The following CDKL5 variants were observed in gnomAD, a reference collection of about 807,000 sequenced individuals.
CDKL5 encodes the protein cyclin dependent kinase like 5.
In CDKL5, 8 loss-of-function variants were observed where a neutral mutation model predicts 61.7. The ratio of observed to expected loss-of-function variants is 0.13; its 90% CI spans 0.08 to 0.23. The LOEUF (loss-of-function observed/expected upper bound fraction) is 0.23, where lower values mean the gene tolerates loss of function less well. Ranked by LOEUF, CDKL5 falls within the 10% of genes least tolerant of loss-of-function variation. The pLI is 1.00. For synonymous variants in CDKL5, 275 were observed against 272.3 expected (o/e 1.01, Z -0.10); for missense variants, 440 against 734.5 (o/e 0.60, Z 4.63).
At chrX:18,462,317 T>TA (rs1932308018) in intron 1 of CDKL5, among the ~76,000 whole-genome samples, 1 of 110,745 alleles carries the variant, frequency 9.0e-6, no homozygotes, top group South Asian at 3.7e-4. Flanking sequence ...AGCAGGAACA[T>TA]ATAGTCTATA....
In CDKL5 at chrX:18,632,208, AAG is replaced by A; in HGVS notation, c.*3454_*3455del. ...GATTTCTTCAACATCACATTCTCTT[AAG>A]AGTCTTCAACCACTATGCCTGAATC... On this transcript the variant is annotated 3_prime_UTR_variant, in exon 18 of 18. Coordinates refer to ENST00000623535, the MANE Select transcript of CDKL5 (RefSeq NM_001323289.2). 3 of 752,383 alleles carry A rather than the reference AAG, an allele frequency of 4.0e-6. No homozygotes were observed. The highest frequency in any genetic ancestry group is 4.7e-6 in the Non-Finnish European group (3 of 637,554). The allele number at this position is 752,383 out of a possible 1,213,427, so 62.0% of individuals were successfully genotyped here. A position where few individuals can be genotyped will look rare whatever the true frequency, so the allele number is the denominator to read the frequency against.
At chrX:18,590,695 T>C (rs970205306) in intron 9 of CDKL5, among the ~76,000 whole-genome samples, 6 of 111,993 alleles carry the variant, frequency 5.4e-5, no homozygotes, top group African/African-American at 1.9e-4. Context: ...GACCAGTAAT[T>C]GGGGTGCCAA....
intron 3 of CDKL5, among the ~76,000 whole-genome samples, chrX:18,550,028 G>A (rs745328762): frequency 8.9e-6 from 1 of 111,761 alleles, no homozygotes; most frequent in Non-Finnish European, 1.9e-5. Flanking sequence ...ACCTGTCAGT[G>A]GGAAAGATGT....
At chrX:18,556,662 C>T (rs183962777) in intron 3 of CDKL5, among the ~76,000 whole-genome samples, 1 of 110,848 alleles carries the variant, frequency 9.0e-6, no homozygotes, top group African/African-American at 3.3e-5. Flanking sequence ...TGGGACCATA[C>T]TGGTCTATAA....
chrX:18,633,554 G>T lies in CDKL5; in HGVS notation c.*4797G>T, dbSNP rs754012913. ...TGAGATACAGAATATCTTGAGGTCT[G>T]GTTCAGCTGATGAAAAATTCTGTCT... On this transcript the variant is annotated 3_prime_UTR_variant, in exon 18 of 18. Coordinates refer to ENST00000623535, the MANE Select transcript of CDKL5 (RefSeq NM_001323289.2). 1.2e-4 allele frequency: 87 copies of T among 753,108 alleles called. No individual in the cohort carries two copies. Among genetic ancestry groups the T allele is most frequent in the South Asian group, 6.1e-4 (9 of 14,740 alleles). The allele number at this position is 753,108 out of a possible 1,213,427, so 62.1% of individuals were successfully genotyped here. A position where few individuals can be genotyped will look rare whatever the true frequency, so the allele number is the denominator to read the frequency against.
chrX:18,521,475 C>A (rs955528401), intron 3 of CDKL5, among the ~76,000 whole-genome samples: 2 of 110,594 alleles, frequency 1.8e-5, no homozygotes, highest in African/African-American at 6.6e-5. Flanking sequence ...TTTAATGGTA[C>A]AGTAGTATAG....
intron 3 of CDKL5, among the ~76,000 whole-genome samples, chrX:18,561,587 C>T (rs1441702751): frequency 3.6e-5 from 4 of 110,614 alleles, no homozygotes; most frequent in African/African-American, 1.3e-4. Flanking sequence ...TTTAAGGTCA[C>T]AATACTTTAA....
chrX:18,650,316 C>G, intron 20 of CDKL5: 1 of 830,780 alleles, frequency 1.2e-6, no homozygotes, highest in Non-Finnish European at 1.8e-6. Context: ...AGGTGACGCT[C>G]TCACTGTCAC....
At chrX:18,504,609 C>T (rs1922504003) in intron 1 of CDKL5, among the ~76,000 whole-genome samples, 1 of 111,629 alleles carries the variant, frequency 9.0e-6, no homozygotes, top group South Asian at 3.7e-4. Context: ...CAATACTTAC[C>T]CACATCACAT....
rs1452578590 is a variant in CDKL5 at position 18,525,890 on chromosome X, GC to G, written c.99+15037del. On this transcript the variant is annotated intron_variant, in intron 3 of 17. Transcript: ENST00000623535. ...GCCTCCCGAGTAGTTGGGATTGCAG[GC>G]TCCCACCACCACGCCTGGCTAATTT... Among the ~76,000 whole-genome samples the G allele has an allele frequency of 7.3e-5, 8 of 109,890 alleles. No homozygotes were observed. The Admixed American group carries it at 7.8e-4, about 11-fold the overall frequency.
rs892324876 is a variant in CDKL5, at chrX:18,501,545, A to T, written c.-162-5390A>T. On this transcript the variant is annotated intron_variant, in intron 1 of 17. Transcript: ENST00000623535. ...TGAGACCAAATGTTTTTTTTAAAAA[A>T]TTTTTATTTTTTTTTATTTTTTTGA... 1.4e-4 allele frequency among the ~76,000 whole-genome samples: 15 copies of T among 110,523 alleles called. No individual in the cohort carries two copies. In the South Asian group the frequency reaches 1.9e-3, roughly 14 times the overall value.
rs1257664959 is a variant in CDKL5, at chrX:18,628,798, G to T, written c.*41G>T. 5 of 1,071,231 alleles carry T rather than the reference G, an allele frequency of 4.7e-6. No homozygotes were observed. Among genetic ancestry groups the T allele is most frequent in the Admixed American group, 3.8e-5 (1 of 26,128 alleles). The allele number at this position is 1,071,231 out of a possible 1,213,427, so 88.3% of individuals were successfully genotyped here. Reference sequence around the variant, plus strand: ...GGGAGGGGTGGACAGACAAGCCAGTGGGGAGGGGTGGGAAAGGGTGGGCTG... The same window carrying T: ...GGGAGGGGTGGACAGACAAGCCAGTTGGGAGGGGTGGGAAAGGGTGGGCTG... On this transcript the variant is annotated 3_prime_UTR_variant, in exon 18 of 18. Coordinates refer to ENST00000623535, the MANE Select transcript of CDKL5 (RefSeq NM_001323289.2).
At position 18,630,436 on chromosome X, in the gene CDKL5, G is replaced by A; in HGVS notation, c.*1679G>A. 1.3e-6 allele frequency: 1 copy of A among 752,997 alleles called. No individual in the cohort carries two copies. Among genetic ancestry groups the A allele is most frequent in the African/African-American group, 2.3e-5 (1 of 43,507 alleles). 62.1% of individuals were successfully genotyped at this position (752,997 alleles called of 1,213,427 possible). A position where few individuals can be genotyped will look rare whatever the true frequency, so the allele number is the denominator to read the frequency against. On this transcript the variant is annotated 3_prime_UTR_variant, in exon 18 of 18. Coordinates refer to ENST00000623535, the MANE Select transcript of CDKL5 (RefSeq NM_001323289.2). ...CACCCCTCAAAGAGATAACTTCTCA[G>A]TATTTATTACTTGTCCTCAAATTCT...
chrX:18,643,829 A>AATATATATATATATATATAT (rs755520723), downstream of CDKL5, among the ~76,000 whole-genome samples: 126 of 105,878 alleles, frequency 1.2e-3, 1 homozygote, highest in Middle Eastern at 0.02. Context: ...ATTCATAGCA[A>AATATATATATATATATATAT]ATATATATAT....
intron 13 of CDKL5, 142 bp downstream of exon 13, chrX:18,609,054 AGTTTTCTTTC>A: frequency 2.0e-6 from 1 of 508,287 alleles, no homozygotes; most frequent in Admixed American, 3.2e-5. Context: ...CATAATTCTG[AGTTTTCTTTC>A]AAAAAGATCA....
In CDKL5 at chrX:18,470,659, TCTGAAAAAGGAAAGAC is replaced by T. The variant is rs1218990968; in HGVS notation, c.-162-36267_-162-36252del. Among the ~76,000 whole-genome samples the T allele has an allele frequency of 5.4e-5, 6 of 111,420 alleles. No homozygotes were observed. The Admixed American group carries it at 5.8e-4, about 11-fold the overall frequency. ...GAGGTGCTGGGGATGGGAATATCTA[TCTGAAAAAGGAAAGAC>T]CTGAAAAAATCACTAATAGATCCTC... On this transcript the variant is annotated intron_variant, in intron 1 of 17. Coordinates refer to ENST00000623535, the MANE Select transcript of CDKL5 (RefSeq NM_001323289.2).
At chrX:18,429,938 C>T in intron 1 of CDKL5, among the ~76,000 whole-genome samples, 1 of 112,183 alleles carries the variant, frequency 8.9e-6, no homozygotes. Flanking sequence ...GCCAGGCCCA[C>T]CCCAAGGGTA....
rs1175292142 is a variant in CDKL5 at position 18,631,405 on chromosome X, A to G, written c.*2648A>G. On this transcript the variant is annotated 3_prime_UTR_variant, in exon 18 of 18. Coordinates refer to ENST00000623535, the MANE Select transcript of CDKL5 (RefSeq NM_001323289.2). ...CTACAATCTGCATTTCCAGCATGCA[A>G]TTCTCTTCCTGCTCACGGAGGGGGA... 5 of 754,362 alleles carry G rather than the reference A, an allele frequency of 6.6e-6. No homozygotes were observed. Among genetic ancestry groups the G allele is most frequent in the African/African-American group, 4.6e-5 (2 of 43,859 alleles). 62.2% of individuals were successfully genotyped at this position (754,362 alleles called of 1,213,427 possible).
intron 3 of CDKL5, among the ~76,000 whole-genome samples, chrX:18,516,128 C>T (rs925042793): frequency 7.2e-5 from 8 of 110,602 alleles, no homozygotes; most frequent in African/African-American, 2.0e-4. Context: ...TCTGGGATTA[C>T]AGGCATGAGC....
Sources: gnomAD v4.1 joint callset for allele counts (sites outside exome capture counted in the v4.1 genomes callset) on GRCh38, gnomAD v4.1.1 for gene constraint, MANE v1.5 for transcripts, NCBI Gene and HGNC (gene_info 2026-07-23, HGNC 2026-07-21) for gene names.